Variants in PRMT8 observed in about 807,000 individuals in gnomAD.
PRMT8 encodes the protein protein arginine N-methyltransferase 8.
Under a neutral mutation model 47.1 loss-of-function variants are expected in PRMT8, and 7 were observed. That is an observed-to-expected ratio of 0.15 (90% CI 0.08 to 0.28). The LOEUF (loss-of-function observed/expected upper bound fraction) is 0.28. Ranked by LOEUF, PRMT8 falls within the 10% of genes least tolerant of loss-of-function variation. The probability of loss-of-function intolerance (pLI) is 1.00; values close to 1 mark genes in which losing one functional copy is unlikely to be tolerated. For missense variants in PRMT8, 237 were observed against 505.4 expected (o/e 0.47, Z 5.09); for synonymous variants, 188 against 186.5 (o/e 1.01, Z -0.07).
chr12:3,542,021 A>AT (rs34445997), intron 2 of PRMT8, among the ~76,000 whole-genome samples: 40,299 of 152,080 alleles, frequency 0.26, 5,621 homozygotes, highest in East Asian at 0.45. Context: ...CCTAACCATC[A>AT]TGCCATACAG....
chr12:3,455,998 T>A (rs1008429741), intron 1 of PRMT8, among the ~76,000 whole-genome samples: 2 of 152,154 alleles, frequency 1.3e-5, no homozygotes, highest in African/African-American at 4.8e-5. Context: ...ATAGGGCAAG[T>A]CCCTTAACTT....
chr12:3,582,781 T>C (rs919578147), intron 7 of PRMT8, among the ~76,000 whole-genome samples: 5 of 152,184 alleles, frequency 3.3e-5, no homozygotes, highest in Non-Finnish European at 1.5e-5. Context: ...ATCATCCCCC[T>C]GTAGCCCCAA....
intron 8 of PRMT8, among the ~76,000 whole-genome samples, chr12:3,584,483 G>T (rs1867129934): frequency 6.6e-6 from 1 of 152,196 alleles, no homozygotes; most frequent in South Asian, 2.1e-4. Context: ...TTTGGGTCAA[G>T]GTTCGATGTC....
chr12:3,512,711 C>T (rs527422357), intron 1 of PRMT8, among the ~76,000 whole-genome samples: 13 of 152,330 alleles, frequency 8.5e-5, no homozygotes, highest in East Asian at 5.8e-4. Context: ...GCTCTTGCTC[C>T]GTGCCTGTCT....
intron 1 of PRMT8, among the ~76,000 whole-genome samples, chr12:3,450,384 TC>T (rs1462285245): frequency 6.6e-6 from 1 of 152,234 alleles, no homozygotes; most frequent in Non-Finnish European, 1.5e-5. Flanking sequence ...TTGACAAGTC[TC>T]ATTATACAAG....
rs1591551036 is a variant in PRMT8, at chr12:3,442,090, T to A, written c.48+60648T>A. Among the ~76,000 whole-genome samples, 3 of 152,188 alleles carry A rather than the reference T, an allele frequency of 2.0e-5. No individual in the cohort carries two copies. In the East Asian group the frequency reaches 5.8e-4, roughly 29 times the overall value. On this transcript the variant is annotated intron_variant, in intron 1 of 9. Transcript: ENST00000452611. ...AAAGAGGAAAATGCATAGCACCGAA[T>A]TCTTAACATAACTAAAAATGAAAGT...
intron 1 of PRMT8, among the ~76,000 whole-genome samples, chr12:3,476,770 G>A (rs556140334): frequency 6.6e-6 from 1 of 152,292 alleles, no homozygotes; most frequent in South Asian, 2.1e-4. Context: ...CTGTCTACCT[G>A]TCAAAGTGTC....
chr12:3,566,494 A>G lies in PRMT8; in HGVS notation c.482-2212A>G, dbSNP rs994021060. 2.0e-5 allele frequency among the ~76,000 whole-genome samples: 3 copies of G among 152,232 alleles called. No individual in the cohort carries two copies. The highest frequency in any genetic ancestry group is 1.9e-4 in the East Asian group (1 of 5,200). On this transcript the variant is annotated intron_variant, in intron 4 of 9. Transcript: ENST00000382622. This position sits in a 1 kb window ranked among gnomAD's most constrained non-coding sequence, Gnocchi z 4.7. The stretch of plus-strand genomic sequence containing the variant: ...CCTCACTGTAGAGTGACCAGGGTCA[A>G]TGCATGTGTACAAAGTGTCTTACTC...
chr12:3,521,620 C>T (rs1485433134), intron 1 of PRMT8, among the ~76,000 whole-genome samples: 1 of 152,108 alleles, frequency 6.6e-6, no homozygotes, highest in East Asian at 1.9e-4. Flanking sequence ...AATTGATACC[C>T]TTGCTAAACA....
chr12:3,562,475 C>T (rs1259570081), intron 4 of PRMT8, among the ~76,000 whole-genome samples: 2 of 152,042 alleles, frequency 1.3e-5, no homozygotes, highest in Admixed American at 6.6e-5. Flanking sequence ...AGCGAACAAA[C>T]AAAATCACAA....
At chr12:3,487,547 C>T (rs1431501020), upstream of PRMT8, among the ~76,000 whole-genome samples, 4 of 152,210 alleles carry the variant, frequency 2.6e-5, no homozygotes, top group African/African-American at 9.7e-5. Context: ...AGGGCTTGCT[C>T]AACCTTCTGG....
chr12:3,512,246 C>CTGTTCT (rs1020320842), intron 1 of PRMT8, among the ~76,000 whole-genome samples: 61 of 152,270 alleles, frequency 4.0e-4, no homozygotes, highest in African/African-American at 1.4e-3. Context: ...GCGTCTCCCA[C>CTGTTCT]CTCCCTGACT....
At chr12:3,466,507 A>G (rs1865098625) in intron 1 of PRMT8, among the ~76,000 whole-genome samples, 1 of 152,306 alleles carries the variant, frequency 6.6e-6, no homozygotes, top group Non-Finnish European at 1.5e-5. Context: ...TAATGAGTCA[A>G]TGTTCTCTAG....
chr12:3,582,234 A>G (rs1055610701), intron 7 of PRMT8, among the ~76,000 whole-genome samples: 2 of 152,218 alleles, frequency 1.3e-5, no homozygotes, highest in Non-Finnish European at 2.9e-5. Context: ...AAAGAACAGC[A>G]CAGTGCAGAC....
At chr12:3,476,572 T>G (rs1865217369) in intron 1 of PRMT8, among the ~76,000 whole-genome samples, 1 of 152,048 alleles carries the variant, frequency 6.6e-6, no homozygotes, top group Non-Finnish European at 1.5e-5. Context: ...CTCTCCCATC[T>G]CTCTCTCTTA....
intron 4 of PRMT8, among the ~76,000 whole-genome samples, chr12:3,560,590 A>G (rs1591602932): frequency 6.6e-6 from 1 of 152,270 alleles, no homozygotes; most frequent in Admixed American, 6.5e-5. Context: ...ATAGGAGCTC[A>G]GAGGTTGATT....
In PRMT8 at chr12:3,476,761, T is replaced by A. The variant is rs373643738; in HGVS notation, c.49-63845T>A. ...CAGCAGCCTCTTGTATTCTTTCTCC[T>A]GTCTACCTGTCAAAGTGTCTGCAGC... On this transcript the variant is annotated intron_variant, in intron 1 of 9. Coordinates refer to the PRMT8 transcript ENST00000452611. Among the ~76,000 whole-genome samples the A allele has an allele frequency of 3.3e-5, 5 of 152,322 alleles. 1 individual carries two copies. The highest frequency in any genetic ancestry group is 6.5e-5 in the Admixed American group (1 of 15,306).
intron 1 of PRMT8, among the ~76,000 whole-genome samples, chr12:3,447,348 T>G (rs1197385584): frequency 6.6e-6 from 1 of 152,200 alleles, no homozygotes; most frequent in East Asian, 1.9e-4. Flanking sequence ...TTGGGGACAT[T>G]ACATTTGTTT....
At position 3,572,876 on chromosome 12, in the gene PRMT8, C is replaced by T. The variant is rs1034698528; in HGVS notation, c.712+3312C>T. 6.6e-6 allele frequency among the ~76,000 whole-genome samples: 1 copy of T among 152,116 alleles called. No individual in the cohort carries two copies. Among genetic ancestry groups the T allele is most frequent in the East Asian group, 1.9e-4 (1 of 5,188 alleles). ...TCTGCAATCAGAAATCACATTTCTC[C>T]CCTGGTACTTAATTTTCTTTCCTCA... On this transcript the variant is annotated intron_variant, in intron 6 of 9. Transcript: ENST00000382622. This position sits in a 1 kb window ranked among gnomAD's most constrained non-coding sequence, Gnocchi z 5.9.
Sources: allele counts gnomAD v4.1 joint callset (sites outside exome capture counted in the v4.1 genomes callset), GRCh38; gene constraint gnomAD v4.1.1; non-coding constraint Gnocchi (gnomAD v3.1); transcripts MANE v1.5; gene names NCBI Gene and HGNC (gene_info 2026-07-23, HGNC 2026-07-21).